The following GRM1 variants were observed in gnomAD, a reference collection of about 807,000 sequenced individuals.
GRM1 encodes metabotropic glutamate receptor 1.
GRM1 carries 33 observed loss-of-function variants against 90.9 expected under a neutral mutation model. That is an observed-to-expected ratio of 0.36 (90% CI 0.28 to 0.49). The LOEUF is 0.49. Ranked by LOEUF, GRM1 falls within the 20% of genes least tolerant of loss-of-function variation. The probability of loss-of-function intolerance (pLI) is 0.99; values close to 1 mark genes in which losing one functional copy is unlikely to be tolerated. For missense variants in GRM1, 1,190 were observed against 1,534.3 expected (o/e 0.78, Z 3.75); for synonymous variants, 700 against 613.2 (o/e 1.14, Z -2.09).
intron 2 of GRM1, among the ~76,000 whole-genome samples, chr6:146,176,458 T>C (rs1377215850): frequency 6.6e-6 from 1 of 152,016 alleles, no homozygotes; most frequent in Non-Finnish European, 1.5e-5. Flanking sequence ...CTCTGGTCAA[T>C]TGAGGTAAGG....
At chr6:146,147,682 C>T (rs1777163841) in intron 1 of GRM1, among the ~76,000 whole-genome samples, 1 of 152,130 alleles carries the variant, frequency 6.6e-6, no homozygotes, top group African/African-American at 2.4e-5. Flanking sequence ...CCTCTATGAG[C>T]CAGCCATCCT....
At chr6:146,279,301 T>G (rs1370763737) in intron 2 of GRM1, among the ~76,000 whole-genome samples, 1 of 152,156 alleles carries the variant, frequency 6.6e-6, no homozygotes, top group African/African-American at 2.4e-5. Flanking sequence ...AAATAATGAC[T>G]TTTGGTTTCT....
chr6:146,144,366 G>A (rs977884232), intron 1 of GRM1, among the ~76,000 whole-genome samples: 2 of 152,090 alleles, frequency 1.3e-5, no homozygotes, highest in Non-Finnish European at 2.9e-5. Context: ...TATATATTTT[G>A]TTTGGGTTAT....
At chr6:146,140,923 T>C (rs2128883961) in intron 1 of GRM1, among the ~76,000 whole-genome samples, 1 of 152,306 alleles carries the variant, frequency 6.6e-6, no homozygotes, top group South Asian at 2.1e-4. Flanking sequence ...ACCATTACAG[T>C]GCTACAATAT....
At chr6:146,362,820 G>C (rs1775540536) in intron 5 of GRM1, among the ~76,000 whole-genome samples, 1 of 151,990 alleles carries the variant, frequency 6.6e-6, no homozygotes, top group African/African-American at 2.4e-5. Flanking sequence ...CTCAATTTTA[G>C]CTTCTTATAT....
chr6:146,124,927 T>A (rs1360865256), intron 1 of GRM1, among the ~76,000 whole-genome samples: 1 of 152,176 alleles, frequency 6.6e-6, no homozygotes, highest in East Asian at 1.9e-4. Context: ...TTCCAGTTCC[T>A]CATTTAAACT....
intron 1 of GRM1, among the ~76,000 whole-genome samples, chr6:146,136,863 T>A (rs1776642513): frequency 6.8e-6 from 1 of 146,220 alleles, no homozygotes; most frequent in Admixed American, 6.8e-5. Context: ...TTTTTTTTTT[T>A]TTTTTTTGAG....
At chr6:146,057,645 C>T (rs1005100081) in intron 1 of GRM1, among the ~76,000 whole-genome samples, 2 of 152,054 alleles carry the variant, frequency 1.3e-5, no homozygotes, top group African/African-American at 4.8e-5. Context: ...TTGTTGAATC[C>T]TAAAGAATTG....
rs552986343 is a variant in GRM1, at chr6:146,314,051, C to CTTTTTTTTTTTTTTTTTTTTTTTT, written c.1186+9214_1186+9237dup. 8.1e-5 allele frequency among the ~76,000 whole-genome samples: 5 copies of CTTTTTTTTTTTTTTTTTTTTTTTT among 61,998 alleles called. 2 individuals carry two copies. The highest frequency in any genetic ancestry group is 1.3e-4 in the Non-Finnish European group (5 of 38,220). The allele number at this position is 61,998 out of a possible 152,430, so 40.7% of individuals were successfully genotyped here. On this transcript the variant is annotated intron_variant, in intron 3 of 7. Transcript: ENST00000282753. ...CACTGTATATATCAATAGTTAATTC[C>CTTTTTTTTTTTTTTTTTTTTTTTT]TTTTTTTTTTTTTTTTTTTTTTTTT...
intron 1 of GRM1, among the ~76,000 whole-genome samples, chr6:146,103,016 T>C (rs1026169866): frequency 6.6e-6 from 1 of 152,208 alleles, no homozygotes; most frequent in Non-Finnish European, 1.5e-5. Flanking sequence ...AAATTCTTGC[T>C]GCAGGGGTTT....
chr6:146,434,508 C>G lies in GRM1; in HGVS notation c.3297C>G (p.Asp1099Glu). 1 of 1,614,114 alleles carries G rather than the reference C, an allele frequency of 6.2e-7. No individual in the cohort carries two copies. The highest frequency in any genetic ancestry group is 2.2e-5 in the East Asian group (1 of 44,846). ...LVSPPADDDD[D>E]SERFKLLQEY... ...CCCCGCCCGCGGACGACGACGACGACAGCGAGAGGTTTAAGCTCCTCCAGG... is the reference window on the plus strand; with the variant it reads ...CCCCGCCCGCGGACGACGACGACGAGAGCGAGAGGTTTAAGCTCCTCCAGG... Residue 1099 changes from aspartate (D) to glutamate (E), a missense_variant, in exon 8 of 8, where the codon GAC (aspartate) becomes GAG (glutamate). By Grantham distance (45) the Asp-to-Glu change is conservative. Around this residue, in one of 10 missense-constraint regions of GRM1, gnomAD observed 400 missense variants for 360.8 expected, o/e 1.11. Coordinates refer to ENST00000282753, the MANE Select transcript of GRM1 (RefSeq NM_001278064.2).
intron 2 of GRM1, among the ~76,000 whole-genome samples, chr6:146,240,265 A>G (rs1436754555): frequency 1.3e-5 from 2 of 152,006 alleles, no homozygotes; most frequent in East Asian, 1.9e-4. Context: ...CATTAATCAT[A>G]TCTGTCAGGA....
intron 1 of GRM1, among the ~76,000 whole-genome samples, chr6:146,143,967 T>C (rs949214552): frequency 1.2e-4 from 19 of 152,244 alleles, no homozygotes; most frequent in African/African-American, 4.6e-4. Context: ...TGGCTCTCAT[T>C]CTGAAAATTT....
chr6:146,321,270 A>C (rs557452674), intron 3 of GRM1, among the ~76,000 whole-genome samples: 135 of 152,246 alleles, frequency 8.9e-4, no homozygotes, highest in African/African-American at 3.1e-3. Flanking sequence ...GTTTCCATGT[A>C]GTTGTGCGGT....
intron 1 of GRM1, among the ~76,000 whole-genome samples, chr6:146,034,591 T>C (rs1255752622): frequency 6.6e-6 from 1 of 151,984 alleles, no homozygotes; most frequent in East Asian, 1.9e-4. Context: ...GTTCTGGGAT[T>C]TTGATTGTTT....
intron 2 of GRM1, among the ~76,000 whole-genome samples, chr6:146,232,568 A>G (rs1780484450): frequency 1.3e-5 from 2 of 151,996 alleles, no homozygotes; most frequent in African/African-American, 2.4e-5. Flanking sequence ...TTAATGTACA[A>G]TTAAGTTATT....
chr6:146,350,010 A>C (rs1299491830), intron 3 of GRM1, among the ~76,000 whole-genome samples: 1 of 152,224 alleles, frequency 6.6e-6, no homozygotes, highest in African/African-American at 2.4e-5. Flanking sequence ...TGTTCTCAAA[A>C]TAATTGTTGC....
At chr6:146,265,032 C>A (rs1486042191) in intron 2 of GRM1, among the ~76,000 whole-genome samples, 1 of 152,024 alleles carries the variant, frequency 6.6e-6, no homozygotes, top group African/African-American at 2.4e-5. Context: ...GATTTATTTT[C>A]CTTTGGGTAA....
At chr6:146,311,864 C>A (rs1212854044) in intron 3 of GRM1, among the ~76,000 whole-genome samples, 2 of 151,968 alleles carry the variant, frequency 1.3e-5, no homozygotes, top group Admixed American at 6.6e-5. Flanking sequence ...TATGATTTTT[C>A]CTGCTCTATT....
Sources: gnomAD v4.1 joint callset for allele counts (sites outside exome capture counted in the v4.1 genomes callset) on GRCh38, gnomAD v4.1.1 for gene constraint, gnomAD v4.1.1 regional missense constraint, MANE v1.5 for transcripts, NCBI Gene and HGNC (gene_info 2026-07-23, HGNC 2026-07-21) for gene names.